UBAC2: variants seen among roughly 807,000 people sequenced by gnomAD.
The protein encoded by UBAC2 is ubiquitin-associated domain-containing protein 2.
Under a neutral mutation model 44.0 loss-of-function variants are expected in UBAC2, and 26 were observed. The observed-to-expected ratio is 0.59, with a 90% CI of 0.43 to 0.82. The LOEUF is 0.82. UBAC2 is among the 40% of genes least tolerant of loss of function. UBAC2 has a pLI of 0.00. For missense variants in UBAC2, 329 were observed against 419.4 expected, an observed-to-expected ratio of 0.78 and a Z score of 1.88; for synonymous variants, 155 against 154.3, an observed-to-expected ratio of 1.00 and a Z score of -0.04.
intron 7 of UBAC2, among the ~76,000 whole-genome samples, chr13:99,364,429 T>C (rs1307254762): frequency 1.3e-5 from 2 of 151,246 alleles, no homozygotes; most frequent in African/African-American, 4.9e-5. Context: ...TTAGGATTAT[T>C]GTATCTACCC....
At chr13:99,359,984 G>A (rs769702853) in intron 7 of UBAC2, among the ~76,000 whole-genome samples, 34 of 152,164 alleles carry the variant, frequency 2.2e-4, no homozygotes, top group Non-Finnish European at 4.9e-4. Flanking sequence ...GAGAAGAAAG[G>A]GTGCATTTGT....
chr13:99,218,156 A>G (rs2043017728), intron 1 of UBAC2, among the ~76,000 whole-genome samples: 1 of 152,118 alleles, frequency 6.6e-6, no homozygotes, highest in African/African-American at 2.4e-5. Flanking sequence ...TTATAATTAC[A>G]TTTCTTGTCT....
At chr13:99,324,645 C>T (rs529370646) in intron 6 of UBAC2, among the ~76,000 whole-genome samples, 3 of 152,298 alleles carry the variant, frequency 2.0e-5, no homozygotes, top group East Asian at 1.9e-4. Flanking sequence ...TGAGGAACTA[C>T]GGAATATTCT....
rs146685151 is a variant in UBAC2 at position 99,291,710 on chromosome 13, G to A, written c.390-22387G>A. Among the ~76,000 whole-genome samples, 662 of 152,226 alleles carry A rather than the reference G, an allele frequency of 4.3e-3. 6 individuals carry two copies. The highest frequency in any genetic ancestry group is 0.014 in the African/African-American group (584 of 41,528). On this transcript the variant is annotated intron_variant, in intron 4 of 8. Coordinates refer to ENST00000403766, the MANE Select transcript of UBAC2 (RefSeq NM_001144072.2). ...AATTACAGGATCTTCAAGGGCATAC[G>A]CTCTATATTGTGTAACTGCCTTCAG...
At chr13:99,259,117 A>G (rs61970281) in intron 4 of UBAC2, among the ~76,000 whole-genome samples, 4,651 of 152,286 alleles carry the variant, frequency 0.031, 93 homozygotes, top group Middle Eastern at 0.13. Flanking sequence ...TCACCTAAGA[A>G]GGGAAATGAA....
At chr13:99,258,994 T>C (rs996976968) in intron 4 of UBAC2, among the ~76,000 whole-genome samples, 1 of 152,240 alleles carries the variant, frequency 6.6e-6, no homozygotes. Flanking sequence ...TAAGTCTGCT[T>C]TTCTAGTGCG....
intron 1 of UBAC2, among the ~76,000 whole-genome samples, chr13:99,219,418 C>G (rs190776992): frequency 1.0e-3 from 159 of 152,314 alleles, no homozygotes; most frequent in Non-Finnish European, 3.8e-4. Flanking sequence ...CAATTAACAG[C>G]AACCACAATT....
chr13:99,386,345 A>AT lies in UBAC2; in HGVS notation c.*1011dup, dbSNP rs1410625070. On this transcript the variant is annotated 3_prime_UTR_variant, in exon 9 of 9. Coordinates refer to ENST00000403766, the MANE Select transcript of UBAC2 (RefSeq NM_001144072.2). ...TTGACTCTTGCAATGTGCAACTGTTATGTTCTGCAAAATGAGCAACGATGT... is the reference window on the plus strand; with the variant it reads ...TTGACTCTTGCAATGTGCAACTGTTATTGTTCTGCAAAATGAGCAACGATGT... 6.6e-6 allele frequency: 1 copy of AT among 152,296 alleles called. No homozygotes were observed. Among genetic ancestry groups the AT allele is most frequent in the Non-Finnish European group, 1.5e-5 (1 of 68,044 alleles). 9.4% of individuals were successfully genotyped at this position (152,296 alleles called of 1,614,324 possible).
intron 7 of UBAC2, among the ~76,000 whole-genome samples, chr13:99,342,473 C>T (rs944430996): frequency 5.3e-5 from 8 of 152,124 alleles, no homozygotes; most frequent in South Asian, 2.1e-4. Context: ...TGCTTGCAGA[C>T]GGTAGTTATC....
Position 99,340,515 on chromosome 13 carries a change from C to A in UBAC2, c.757C>A (p.Gln253Lys). The change falls in exon 7 of 9, where the codon CAG becomes AAG. Residue 253 changes from glutamine to lysine, a missense_variant. Coordinates refer to ENST00000403766, the MANE Select transcript of UBAC2 (RefSeq NM_001144072.2). ...GCAGAGAATGGAGCTGCTGGACCGG[C>A]AGCTGATGTTCTCTCAGTTTGCACA... ...RQQRMELLDRQLMFSQFAQGR... is the reference protein window; with the variant it reads ...RQQRMELLDRKLMFSQFAQGR... The A allele has an allele frequency of 6.2e-7, 1 of 1,614,190 alleles. No homozygotes were observed. The highest frequency in any genetic ancestry group is 8.5e-7 in the Non-Finnish European group (1 of 1,180,032).
At chr13:99,217,484 G>T (rs2043010324) in intron 1 of UBAC2, among the ~76,000 whole-genome samples, 1 of 152,210 alleles carries the variant, frequency 6.6e-6, no homozygotes, top group Non-Finnish European at 1.5e-5. Flanking sequence ...GTGGCCTGGG[G>T]ACGTTCCAGC....
chr13:99,312,958 G>GT (rs777126501), intron 4 of UBAC2: 2 of 152,538 alleles, frequency 1.3e-5, no homozygotes, highest in Non-Finnish European at 2.9e-5. Context: ...TTTTTGTTTT[G>GT]TTTTTTATTT....
chr13:99,208,058 C>T (rs887012493), intron 1 of UBAC2, among the ~76,000 whole-genome samples: 2 of 141,698 alleles, frequency 1.4e-5, no homozygotes, highest in Non-Finnish European at 3.0e-5. Flanking sequence ...AGTGCAATGG[C>T]GTGATCTTGG....
intron 7 of UBAC2, among the ~76,000 whole-genome samples, chr13:99,365,336 T>C (rs2045316802): frequency 6.6e-6 from 1 of 152,158 alleles, no homozygotes; most frequent in Admixed American, 6.5e-5. Context: ...CTTTCTTCTT[T>C]CTCATTTTTT....
At chr13:99,325,785 C>G (rs2044634363) in intron 6 of UBAC2, among the ~76,000 whole-genome samples, 2 of 152,180 alleles carry the variant, frequency 1.3e-5, no homozygotes, top group Admixed American at 1.3e-4. Context: ...TGGAATCATG[C>G]AGTATTTGTC....
At chr13:99,254,939 T>C in intron 4 of UBAC2, 1 of 1,614,158 alleles carries the variant, frequency 6.2e-7, no homozygotes, top group Non-Finnish European at 8.5e-7. Flanking sequence ...AAACTTTTTC[T>C]GCGCATGCTT....
chr13:99,206,405 C>T lies in UBAC2; in HGVS notation c.31+5466C>T, dbSNP rs149409673. Reference sequence around the variant, plus strand: ...TTCTGTAGGAGGAGTTGCGTCTCTTCCCCTAGTCCAGCGGATGGATGTGCC... The same window carrying T: ...TTCTGTAGGAGGAGTTGCGTCTCTTTCCCTAGTCCAGCGGATGGATGTGCC... On this transcript the variant is annotated intron_variant, in intron 1 of 8. Transcript: ENST00000403766. 1.8e-4 allele frequency among the ~76,000 whole-genome samples: 28 copies of T among 152,328 alleles called. No homozygotes were observed. In the East Asian group the frequency reaches 4.4e-3, roughly 24 times the overall value.
At chr13:99,246,371 T>G (rs1000705543) in intron 4 of UBAC2, among the ~76,000 whole-genome samples, 6 of 152,156 alleles carry the variant, frequency 3.9e-5, no homozygotes, top group African/African-American at 1.4e-4. Context: ...TTGGGGAAAA[T>G]AGTGTAGTCA....
Position 99,367,848 on chromosome 13 carries a change from A to G in UBAC2, c.869A>G (p.Tyr290Cys), listed in dbSNP as rs767861313. 2 of 1,613,986 alleles carry G rather than the reference A, an allele frequency of 1.2e-6. No homozygotes were observed. Among genetic ancestry groups the G allele is most frequent in the Admixed American group, 1.7e-5 (1 of 60,018 alleles). ...TTACGTCAGCGACAAAACGTAAACT[A>G]TCAGGGCGGTCGGCAGTCTGAGCCA... ...PPLRQRQNVN[Y>C]QGGRQSEPAA... Residue 290 changes from tyrosine (Y) to cysteine (C), a missense_variant, in exon 8 of 9, where the codon TAT (tyrosine) becomes TGT (cysteine). Coordinates refer to ENST00000403766, the MANE Select transcript of UBAC2 (RefSeq NM_001144072.2).
Sources: gnomAD v4.1 joint callset for allele counts (sites outside exome capture counted in the v4.1 genomes callset) on GRCh38, gnomAD v4.1.1 for gene constraint, MANE v1.5 for transcripts, NCBI Gene and HGNC (gene_info 2026-07-23, HGNC 2026-07-21) for gene names.